The following GPC5 variants were observed in gnomAD, a reference collection of about 807,000 sequenced individuals.
GPC5 encodes glypican-5.
Under a neutral mutation model 53.9 loss-of-function variants are expected in GPC5, and 47 were observed. The ratio of observed to expected loss-of-function variants is 0.87; its 90% confidence interval spans 0.69 to 1.11. GPC5 has a LOEUF of 1.11. Among genes scored for constraint, GPC5 ranks in the 50% most tolerant of loss-of-function variants. The pLI, the probability that GPC5 is intolerant of heterozygous loss-of-function variation, is 0.00. For synonymous variants in GPC5, 286 were observed against 263.3 expected (o/e 1.09, Z -0.84); for missense variants, 748 against 713.1 (o/e 1.05, Z -0.56).
intron 7 of GPC5, among the ~76,000 whole-genome samples, chr13:92,855,365 AAAGTT>A (rs1878962105): frequency 6.6e-6 from 1 of 152,074 alleles, no homozygotes; most frequent in African/African-American, 2.4e-5. Flanking sequence ...AATATAACAT[AAAGTT>A]AATTAAGATT....
chr13:92,675,096 A>G (rs548773231), intron 7 of GPC5, among the ~76,000 whole-genome samples: 38 of 152,260 alleles, frequency 2.5e-4, no homozygotes, highest in African/African-American at 8.9e-4. Context: ...TGATACTAGT[A>G]CAAAATATTG....
At chr13:92,491,255 A>T (rs777145859) in intron 7 of GPC5, among the ~76,000 whole-genome samples, 3 of 152,138 alleles carry the variant, frequency 2.0e-5, no homozygotes, top group Non-Finnish European at 4.4e-5. Context: ...CTCCATAATT[A>T]CAAGCTATAC....
rs116440187 is a variant in GPC5, at chr13:91,925,528, G to A, written c.1401+17471G>A. ...GGGAGTACAAAAACGATTAAATGAG[G>A]GGATCAGCTGGAGTGAATGTTTTCT... is the stretch of plus-strand genomic sequence containing the variant. On this transcript the variant is annotated intron_variant, in intron 6 of 7. Transcript: ENST00000377067. Among the ~76,000 whole-genome samples, 1,137 of 152,220 alleles carry A rather than the reference G, an allele frequency of 7.5e-3. 15 individuals are homozygous for A. The highest frequency in any genetic ancestry group is 0.026 in the African/African-American group (1,088 of 41,522).
intron 7 of GPC5, among the ~76,000 whole-genome samples, chr13:92,759,031 G>GAAAT (rs1343221074): frequency 9.3e-4 from 95 of 101,766 alleles, no homozygotes; most frequent in African/African-American, 3.7e-3. Context: ...GTGCTGTCAT[G>GAAAT]AAATAATATT....
intron 7 of GPC5, among the ~76,000 whole-genome samples, chr13:92,753,004 T>A (rs1874659389): frequency 6.6e-6 from 1 of 152,198 alleles, no homozygotes. Context: ...CAGGGAGGCC[T>A]GCCTGCCTCT....
At chr13:91,893,012 G>A (rs2039403977) in intron 5 of GPC5, among the ~76,000 whole-genome samples, 1 of 151,916 alleles carries the variant, frequency 6.6e-6, no homozygotes, top group South Asian at 2.1e-4. Context: ...GCCTGTGAAT[G>A]TCAAGTGTTT....
At chr13:92,151,273 G>T (rs370255271) in intron 7 of GPC5, among the ~76,000 whole-genome samples, 1 of 151,996 alleles carries the variant, frequency 6.6e-6, no homozygotes, top group Non-Finnish European at 1.5e-5. Flanking sequence ...AATTACCTGG[G>T]ACTCTGCTTA....
At chr13:91,436,054 G>A (rs567691042) in intron 1 of GPC5, among the ~76,000 whole-genome samples, 4 of 152,178 alleles carry the variant, frequency 2.6e-5, no homozygotes, top group African/African-American at 9.6e-5. Context: ...CATTTTTTAT[G>A]TGTCTGTTAG....
chr13:91,747,798 C>T (rs1302832402), intron 4 of GPC5, among the ~76,000 whole-genome samples: 1 of 152,166 alleles, frequency 6.6e-6, no homozygotes, highest in Non-Finnish European at 1.5e-5. Context: ...TATTGCTAAG[C>T]AATGAGATTT....
At chr13:92,278,395 A>T (rs891873554) in intron 7 of GPC5, among the ~76,000 whole-genome samples, 3 of 152,000 alleles carry the variant, frequency 2.0e-5, no homozygotes, top group African/African-American at 7.2e-5. Flanking sequence ...TTCCTTGTGG[A>T]TTGAGACATA....
At chr13:91,610,042 T>G (rs906125068) in intron 2 of GPC5, among the ~76,000 whole-genome samples, 3 of 152,188 alleles carry the variant, frequency 2.0e-5, no homozygotes, top group African/African-American at 7.2e-5. Flanking sequence ...CAGTTTACCA[T>G]GTGTGGTGTC....
intron 2 of GPC5, among the ~76,000 whole-genome samples, chr13:91,528,826 A>G (rs997964843): frequency 6.6e-6 from 1 of 152,170 alleles, no homozygotes; most frequent in African/African-American, 2.4e-5. Flanking sequence ...CACATCTTAC[A>G]TGGCAGCAGA....
intron 6 of GPC5, among the ~76,000 whole-genome samples, chr13:92,094,729 C>T (rs2041408492): frequency 6.6e-6 from 1 of 150,692 alleles, no homozygotes; most frequent in South Asian, 2.1e-4. Context: ...TCAGAAAAAT[C>T]CTAATTTGTC....
At chr13:91,931,931 A>G (rs1188394920) in intron 6 of GPC5, among the ~76,000 whole-genome samples, 1 of 151,986 alleles carries the variant, frequency 6.6e-6, no homozygotes, top group Non-Finnish European at 1.5e-5. Flanking sequence ...GCTTTCTAAG[A>G]TGCTCCCTGA....
chr13:91,732,121 A>C (rs1233280573), intron 4 of GPC5, among the ~76,000 whole-genome samples: 1 of 152,226 alleles, frequency 6.6e-6, no homozygotes, highest in African/African-American at 2.4e-5. Context: ...TGTCTTCCAC[A>C]ATGGTTGAAC....
chr13:92,679,633 G>A (rs9523762), intron 7 of GPC5, among the ~76,000 whole-genome samples: 60,120 of 151,696 alleles, frequency 0.4, 12,123 homozygotes, highest in East Asian at 0.51. Flanking sequence ...TCACTTAATA[G>A]TTCTCAAGGG....
chr13:92,369,209 A>G (rs939501717), intron 7 of GPC5, among the ~76,000 whole-genome samples: 2 of 152,158 alleles, frequency 1.3e-5, no homozygotes, highest in African/African-American at 4.8e-5. Context: ...TTTGAGACGG[A>G]GTCTTTCTCT....
chr13:92,440,752 G>A (rs764197521), intron 7 of GPC5, among the ~76,000 whole-genome samples: 3 of 152,048 alleles, frequency 2.0e-5, no homozygotes, highest in Non-Finnish European at 4.4e-5. Flanking sequence ...AACTTTGCCA[G>A]CATCTGTTAT....
At chr13:91,767,413 C>T (rs1566672267) in intron 5 of GPC5, among the ~76,000 whole-genome samples, 1 of 152,072 alleles carries the variant, frequency 6.6e-6, no homozygotes, top group Admixed American at 6.5e-5. Context: ...TATTTCTAAC[C>T]AGTGGTTTGG....
Sources: gnomAD v4.1 joint callset for allele counts (sites outside exome capture counted in the v4.1 genomes callset) on GRCh38, gnomAD v4.1.1 for gene constraint, MANE v1.5 for transcripts, NCBI Gene and HGNC (gene_info 2026-07-23, HGNC 2026-07-21) for gene names.